The following ACTN2 variants were observed in gnomAD, a reference collection of about 807,000 sequenced individuals.
ACTN2 encodes actinin alpha 2, also known as alpha-actinin-2.
ACTN2 carries 39 observed loss-of-function variants against 113.8 expected under a neutral mutation model. The observed-to-expected ratio is 0.34, with a 90% CI of 0.27 to 0.45. The LOEUF (loss-of-function observed/expected upper bound fraction) is 0.45, where lower values mean the gene tolerates loss of function less well. Ranked by LOEUF, ACTN2 falls within the 20% of genes least tolerant of loss-of-function variation. ACTN2 has a pLI of 1.00. For missense variants in ACTN2, 992 were observed against 1,177.9 expected (o/e 0.84, Z 2.31); for synonymous variants, 429 against 444.1 (o/e 0.97, Z 0.43).
At chr1:236,753,422 C>T (rs1167543637) in intron 15 of ACTN2, among the ~76,000 whole-genome samples, 4 of 152,222 alleles carry the variant, frequency 2.6e-5, no homozygotes, top group African/African-American at 7.2e-5. Context: ...ATAACCGTAA[C>T]GTTAGTATGG....
At chr1:236,724,189 G>C (rs928886021) in intron 4 of ACTN2, among the ~76,000 whole-genome samples, 3 of 151,984 alleles carry the variant, frequency 2.0e-5, no homozygotes, top group Non-Finnish European at 2.9e-5. Context: ...CGTGGTGGGT[G>C]GGGGTGGGGG....
intron 1 of ACTN2, among the ~76,000 whole-genome samples, chr1:236,701,542 C>T (rs768009503): frequency 3.3e-5 from 5 of 152,104 alleles, no homozygotes; most frequent in Admixed American, 6.5e-5. Flanking sequence ...CCCTCTGAAA[C>T]GGGGTTGACT....
chr1:236,696,317 C>CAA (rs11317690), intron 1 of ACTN2, among the ~76,000 whole-genome samples: 1 of 128,388 alleles, frequency 7.8e-6, no homozygotes, highest in Non-Finnish European at 1.7e-5. Context: ...GACTCTGTCT[C>CAA]AAAAAAAAAA....
At chr1:236,707,628 A>G (rs1657866070) in intron 1 of ACTN2, among the ~76,000 whole-genome samples, 1 of 149,732 alleles carries the variant, frequency 6.7e-6, no homozygotes, top group Non-Finnish European at 1.5e-5. Context: ...ATCATACCTC[A>G]CAGCAAACTA....
At chr1:236,759,451 CT>C (rs1659640876) in intron 18 of ACTN2, among the ~76,000 whole-genome samples, 1 of 152,170 alleles carries the variant, frequency 6.6e-6, no homozygotes, top group African/African-American at 2.4e-5. Flanking sequence ...CAGTAGTGAG[CT>C]CCTGACTAGT....
chr1:236,727,367 C>T (rs1179104251), intron 5 of ACTN2, among the ~76,000 whole-genome samples: 1 of 152,016 alleles, frequency 6.6e-6, no homozygotes, highest in Non-Finnish European at 1.5e-5. Flanking sequence ...AGAGAGGAAC[C>T]CTGGGACTGG....
chr1:236,716,102 T>C (rs865798300), intron 1 of ACTN2, among the ~76,000 whole-genome samples: 2,713 of 145,484 alleles, frequency 0.019, 79 homozygotes, highest in Admixed American at 0.081. Context: ...TCTTCTTCTT[T>C]TTTTTTTTTT....
intron 4 of ACTN2, among the ~76,000 whole-genome samples, chr1:236,721,242 G>T (rs1018183082): frequency 1.3e-5 from 2 of 151,498 alleles, no homozygotes; most frequent in Non-Finnish European, 2.9e-5. Context: ...TAGCCAGGAT[G>T]GTCTCGATCT....
chr1:236,762,814 G>A lies in ACTN2; in HGVS notation c.*195G>A, dbSNP rs1659751617. On this transcript the variant is annotated 3_prime_UTR_variant, in exon 21 of 21. Coordinates refer to ENST00000366578, the MANE Select transcript of ACTN2 (RefSeq NM_001103.4). Reference sequence around the variant, plus strand: ...GTTTTTACAGTATATGACATAGTGCGCTTCATAAATAGGTTTATTTCTGAG... The same window carrying A: ...GTTTTTACAGTATATGACATAGTGCACTTCATAAATAGGTTTATTTCTGAG... 5 of 647,818 alleles carry A rather than the reference G, an allele frequency of 7.7e-6. No homozygotes were observed. Among genetic ancestry groups the A allele is most frequent in the Middle Eastern group, 4.2e-4 (1 of 2,398 alleles). 40.1% of individuals were successfully genotyped at this position (647,818 alleles called of 1,614,324 possible).
rs1657825525 is a variant in ACTN2, at chr1:236,706,404, C to T, written c.127-11454C>T. On this transcript the variant is annotated intron_variant, in intron 1 of 20. Coordinates refer to ENST00000366578, the MANE Select transcript of ACTN2 (RefSeq NM_001103.4). ...TCCCTGCTTCTCTGTGTGTCACTTT[C>T]ACCAGCATTTCTTAGAATGTTCAAA... Among the ~76,000 whole-genome samples, 4 of 152,316 alleles carry T rather than the reference C, an allele frequency of 2.6e-5. No individual in the cohort carries two copies. The South Asian group carries it at 8.3e-4, about 32-fold the overall frequency.
At chr1:236,694,126 C>T (rs1657389983) in intron 1 of ACTN2, among the ~76,000 whole-genome samples, 1 of 152,166 alleles carries the variant, frequency 6.6e-6, no homozygotes, top group Non-Finnish European at 1.5e-5. Context: ...CTCTGTCTCC[C>T]CAACAAGGGC....
rs967976028 is a variant in ACTN2, at chr1:236,737,012, G to A, written c.784-110G>A. The A allele has an allele frequency of 4.0e-5, 34 of 847,788 alleles. 1 individual carries two copies. The highest frequency in any genetic ancestry group is 3.0e-4 in the South Asian group (21 of 70,562). The allele number at this position is 847,788 out of a possible 1,614,324, so 52.5% of individuals were successfully genotyped here. A position where few individuals can be genotyped will look rare whatever the true frequency, so the allele number is the denominator to read the frequency against. The stretch of plus-strand genomic sequence containing the variant: ...CGCACCCTAAGCTAGACTCTGCACC[G>A]TCTACAGCACGCCACCCTCCTCGTC... On this transcript the variant is annotated intron_variant, in intron 8 of 20. Coordinates refer to ENST00000366578, the MANE Select transcript of ACTN2 (RefSeq NM_001103.4).
intron 1 of ACTN2, among the ~76,000 whole-genome samples, chr1:236,700,599 A>T (rs1246232505): frequency 1.3e-5 from 2 of 152,124 alleles, no homozygotes; most frequent in Admixed American, 1.3e-4. Context: ...GTCCTCCCTT[A>T]GCTCCACTGA....
chr1:236,719,703 G>T (rs1572114159), intron 3 of ACTN2, among the ~76,000 whole-genome samples: 1 of 151,948 alleles, frequency 6.6e-6, no homozygotes, highest in African/African-American at 2.4e-5. Flanking sequence ...GGAGGTTGAG[G>T]CAGGAGAATT....
intron 18 of ACTN2, among the ~76,000 whole-genome samples, chr1:236,758,096 A>G (rs1184880158): frequency 6.6e-6 from 1 of 152,274 alleles, no homozygotes; most frequent in East Asian, 1.9e-4. Context: ...GATCTCTTTT[A>G]AGGACATGCA....
intron 1 of ACTN2, among the ~76,000 whole-genome samples, chr1:236,715,583 A>T (rs79386373): frequency 0.016 from 2,366 of 152,186 alleles, 18 homozygotes; most frequent in Middle Eastern, 0.051. Flanking sequence ...CTAATTTTTA[A>T]ATTTTATTTT....
intron 11 of ACTN2, among the ~76,000 whole-genome samples, chr1:236,743,797 A>G (rs1170601351): frequency 6.6e-6 from 1 of 152,196 alleles, no homozygotes. Context: ...TCTGATGCAT[A>G]GCAGCTGTGT....
intron 4 of ACTN2, among the ~76,000 whole-genome samples, chr1:236,725,403 G>C (rs1658518054): frequency 2.6e-5 from 4 of 152,146 alleles, no homozygotes. Flanking sequence ...TGAGGCAGGT[G>C]GATCACCTGA....
In ACTN2 at chr1:236,763,850, A is replaced by G. The variant is rs1015289164; in HGVS notation, c.*1231A>G. The G allele has an allele frequency of 2.6e-5, 4 of 152,168 alleles. No homozygotes were observed. The highest frequency in any genetic ancestry group is 4.8e-5 in the African/African-American group (2 of 41,434). The allele number at this position is 152,168 out of a possible 1,614,324, so 9.4% of individuals were successfully genotyped here. On this transcript the variant is annotated 3_prime_UTR_variant, in exon 21 of 21. Coordinates refer to ENST00000366578, the MANE Select transcript of ACTN2 (RefSeq NM_001103.4). ...GCACATCTTGATCTGTTGAATGTTC[A>G]TTCTTTCTTTTTGCTCATACTGCTG...
Sources: allele counts gnomAD v4.1 joint callset (sites outside exome capture counted in the v4.1 genomes callset), GRCh38; gene constraint gnomAD v4.1.1; transcripts MANE v1.5; gene names NCBI Gene and HGNC (gene_info 2026-07-23, HGNC 2026-07-21).